The following EFEMP1 variants were observed in gnomAD, a reference collection of about 807,000 sequenced individuals.
The protein encoded by EFEMP1 is EGF-like fibulin extracellular matrix protein 1.
In EFEMP1, 18 loss-of-function variants were observed where a neutral mutation model predicts 65.7. The observed-to-expected ratio is 0.27, with a 90% CI of 0.19 to 0.41. EFEMP1 has a LOEUF of 0.41. Ranked by LOEUF, EFEMP1 falls within the 10% of genes least tolerant of loss-of-function variation. The probability of loss-of-function intolerance (pLI) is 1.00; values close to 1 mark genes in which losing one functional copy is unlikely to be tolerated. For missense variants in EFEMP1, 469 were observed against 624.8 expected (o/e 0.75, Z 2.66); for synonymous variants, 237 against 219.7 (o/e 1.08, Z -0.70).
At chr2:55,901,925 A>G (rs1670052695) in intron 5 of EFEMP1, among the ~76,000 whole-genome samples, 2 of 152,326 alleles carry the variant, frequency 1.3e-5, no homozygotes, top group East Asian at 3.9e-4. Flanking sequence ...TCTATGGAGA[A>G]GTGTATGTGG....
chr2:55,878,187 C>T (rs906327240), intron 6 of EFEMP1, among the ~76,000 whole-genome samples: 1 of 152,060 alleles, frequency 6.6e-6, no homozygotes, highest in Non-Finnish European at 1.5e-5. Flanking sequence ...TATATAATTA[C>T]AGAAGTAAAA....
intron 6 of EFEMP1, among the ~76,000 whole-genome samples, chr2:55,881,198 C>T (rs1346786): frequency 0.37 from 55,931 of 152,010 alleles, 11,140 homozygotes; most frequent in East Asian, 0.83. Context: ...GGTCTCAAAG[C>T]GAGCTGGGGT....
At position 55,912,330 on chromosome 2, in the gene EFEMP1, A is replaced by G. The variant is rs1326776287; in HGVS notation, c.517+5335T>C. On this transcript the variant is annotated intron_variant, in intron 5 of 11. Coordinates refer to ENST00000355426, the MANE Select transcript of EFEMP1 (RefSeq NM_001039348.3). ...CTAATGACATTAATGAGAATCAACA[A>G]AAGGGCAGTGTTTGAAAGCTGTTTG... is the stretch of plus-strand genomic sequence containing the variant. Among the ~76,000 whole-genome samples, 4 of 152,194 alleles carry G rather than the reference A, an allele frequency of 2.6e-5. No homozygotes were observed. In the East Asian group the frequency reaches 7.7e-4, roughly 29 times the overall value.
rs1177577619 is a variant in EFEMP1 at position 55,923,049 on chromosome 2, C to A, written c.-48-110G>T. 1 of 731,768 alleles carries A rather than the reference C, an allele frequency of 1.4e-6. No homozygotes were observed. Among genetic ancestry groups the A allele is most frequent in the African/African-American group, 1.9e-5 (1 of 52,146 alleles). The allele number at this position is 731,768 out of a possible 1,614,324, so 45.3% of individuals were successfully genotyped here. ...CAGTTCTAGTAGAATACTAGACCTT[C>A]TCACATGTCTCAGAGCTTCTCACAT... On this transcript the variant is annotated intron_variant, in intron 1 of 11. Transcript: ENST00000355426. The surrounding 1 kb of genome is among the most constrained non-coding windows in gnomAD (Gnocchi z 5.3).
At chr2:55,916,887 G>A (rs893063392) in intron 5 of EFEMP1, among the ~76,000 whole-genome samples, 4 of 152,206 alleles carry the variant, frequency 2.6e-5, no homozygotes, top group African/African-American at 4.8e-5. Context: ...TTGCTAATAC[G>A]AGCCTACAGC....
chr2:55,915,961 G>C (rs955999221), intron 5 of EFEMP1, among the ~76,000 whole-genome samples: 29 of 152,114 alleles, frequency 1.9e-4, no homozygotes, highest in African/African-American at 7.0e-4. Context: ...TCTGACTCAT[G>C]ACAGTAACAC....
At chr2:55,892,183 T>G (rs1255181022) in intron 5 of EFEMP1, among the ~76,000 whole-genome samples, 2 of 152,156 alleles carry the variant, frequency 1.3e-5, no homozygotes, top group Non-Finnish European at 2.9e-5. Flanking sequence ...CTTTGGACTT[T>G]AAAATGAGTC....
At chr2:55,920,965 C>T (rs1224314424) in intron 3 of EFEMP1, among the ~76,000 whole-genome samples, 5 of 152,156 alleles carry the variant, frequency 3.3e-5, no homozygotes, top group African/African-American at 1.2e-4. Flanking sequence ...TAATAATGAA[C>T]CCTAGTTAGT....
chr2:55,912,298 A>G (rs1389480965), intron 5 of EFEMP1, among the ~76,000 whole-genome samples: 1 of 152,200 alleles, frequency 6.6e-6, no homozygotes, highest in African/African-American at 2.4e-5. Flanking sequence ...CCATGCAGCC[A>G]GCGACCCTAA....
At chr2:55,884,761 A>G (rs1435009896) in intron 5 of EFEMP1, among the ~76,000 whole-genome samples, 3 of 152,180 alleles carry the variant, frequency 2.0e-5, no homozygotes, top group Non-Finnish European at 4.4e-5. Context: ...TTTATCCTTG[A>G]CAGTTAAGCT....
At chr2:55,880,200 C>T (rs1403178531) in intron 6 of EFEMP1, among the ~76,000 whole-genome samples, 1 of 152,074 alleles carries the variant, frequency 6.6e-6, no homozygotes, top group African/African-American at 2.4e-5. Context: ...CTTTCATGCT[C>T]TGTCGAGGAA....
chr2:55,868,591 C>T (rs1001220663), intron 11 of EFEMP1, among the ~76,000 whole-genome samples: 1 of 152,134 alleles, frequency 6.6e-6, no homozygotes, highest in Non-Finnish European at 1.5e-5. Flanking sequence ...TTCCACATAT[C>T]CTTTCAAGAA....
chr2:55,905,512 A>C (rs1670224648), intron 5 of EFEMP1, among the ~76,000 whole-genome samples: 1 of 152,072 alleles, frequency 6.6e-6, no homozygotes, highest in African/African-American at 2.4e-5. Context: ...CAATGGTGCA[A>C]TCTCGGCTCA....
chr2:55,908,531 ATAGTTAAT>A (rs1222034574), intron 5 of EFEMP1, among the ~76,000 whole-genome samples: 5 of 152,154 alleles, frequency 3.3e-5, no homozygotes, highest in Non-Finnish European at 7.4e-5. Context: ...CATAGTGACT[ATAGTTAAT>A]AATAATATGG....
chr2:55,876,535 T>G (rs1382506815), intron 8 of EFEMP1, 88 bp downstream of exon 8: 2 of 1,556,396 alleles, frequency 1.3e-6, no homozygotes, highest in Non-Finnish European at 1.8e-6. Context: ...GGTAAGCGTT[T>G]GTTTTCATAA....
chr2:55,879,387 T>C (rs996342816), intron 6 of EFEMP1, among the ~76,000 whole-genome samples: 2 of 152,232 alleles, frequency 1.3e-5, no homozygotes, highest in African/African-American at 2.4e-5. Context: ...AATGGTATTA[T>C]ACTTTCTAAT....
At chr2:55,894,500 A>G (rs561987817) in intron 5 of EFEMP1, among the ~76,000 whole-genome samples, 1 of 152,278 alleles carries the variant, frequency 6.6e-6, no homozygotes, top group Non-Finnish European at 1.5e-5. Flanking sequence ...CTTTTCAAAT[A>G]AGCAGGTTGG....
rs748419347 is a variant in EFEMP1, at chr2:55,917,886, G to A, written c.296C>T (p.Thr99Ile). ...QPAEGTSGATTGVVAASSMAT... is the reference protein window; with the variant it reads ...QPAEGTSGATIGVVAASSMAT... The stretch of plus-strand genomic sequence containing the variant: ...CATGCTGCTGGCAGCTACAACCCCG[G>A]TGGTTGCCCCTGAGGTTCCTTCTGC... The change falls in exon 5 of 12, where the codon ACC (threonine) becomes ATC (isoleucine). Residue 99 changes from threonine to isoleucine, a missense_variant. Around this residue, in one of 3 missense-constraint regions of EFEMP1, gnomAD observed 399 missense variants for 528.2 expected, o/e 0.76. Transcript: ENST00000355426. The surrounding 1 kb of genome is among the most constrained non-coding windows in gnomAD (Gnocchi z 6.3). 3 of 1,614,260 alleles carry A rather than the reference G, an allele frequency of 1.9e-6. No homozygotes were observed. The highest frequency in any genetic ancestry group is 2.5e-6 in the Non-Finnish European group (3 of 1,180,046).
Position 55,876,605 on chromosome 2 carries a change from A to G in EFEMP1, c.880+18T>C. 1 of 1,611,188 alleles carries G rather than the reference A, an allele frequency of 6.2e-7. No individual in the cohort carries two copies. The highest frequency in any genetic ancestry group is 8.5e-7 in the Non-Finnish European group (1 of 1,178,130). On this transcript the variant is annotated intron_variant, in intron 8 of 11. Coordinates refer to ENST00000355426, the MANE Select transcript of EFEMP1 (RefSeq NM_001039348.3). ...CAGGAATTGGACTTTATTCCATACTATCTGGGAAGAGTTTTACCTTCACAG... is the reference window on the plus strand; with the variant it reads ...CAGGAATTGGACTTTATTCCATACTGTCTGGGAAGAGTTTTACCTTCACAG...
Sources: gnomAD v4.1 joint callset for allele counts (sites outside exome capture counted in the v4.1 genomes callset) on GRCh38, gnomAD v4.1.1 for gene constraint, gnomAD v4.1.1 regional missense constraint, Gnocchi (gnomAD v3.1) non-coding constraint, MANE v1.5 for transcripts, NCBI Gene and HGNC (gene_info 2026-07-23, HGNC 2026-07-21) for gene names.